The following RAD51B variants were observed in gnomAD, a reference collection of about 807,000 sequenced individuals.
The protein encoded by RAD51B is DNA repair protein RAD51 homolog 2.
A neutral mutation model predicts 42.2 loss-of-function variants in RAD51B; 38 were observed. The ratio of observed to expected loss-of-function variants is 0.90; its 90% CI spans 0.70 to 1.18. The LOEUF is 1.18. RAD51B is among the 50% of genes most tolerant of loss of function. The pLI, the probability that RAD51B is intolerant of heterozygous loss-of-function variation, is 0.00. For missense variants in RAD51B, 373 were observed against 400.7 expected, an observed-to-expected ratio of 0.93 and a Z score of 0.59; for synonymous variants, 154 against 145.2, an observed-to-expected ratio of 1.06 and a Z score of -0.43.
intron 7 of RAD51B, among the ~76,000 whole-genome samples, chr14:68,205,860 A>G (rs930381139): frequency 1.3e-5 from 2 of 152,126 alleles, no homozygotes; most frequent in Admixed American, 6.6e-5. Flanking sequence ...AAGAAAGGGG[A>G]TATTCTGTTA....
intron 11 of RAD51B, among the ~76,000 whole-genome samples, chr14:68,682,102 CT>C (rs1047697756): frequency 6.6e-6 from 1 of 151,492 alleles, no homozygotes; most frequent in African/African-American, 2.4e-5. Flanking sequence ...TGTCATCTCA[CT>C]TTTTTTTTGT....
chr14:68,062,067 A>G (rs2076575847), intron 7 of RAD51B, among the ~76,000 whole-genome samples: 1 of 152,164 alleles, frequency 6.6e-6, no homozygotes, highest in African/African-American at 2.4e-5. Flanking sequence ...GCTTAGGTAC[A>G]TTCCTTCTAT....
chr14:68,254,575 A>G (rs779255431), intron 7 of RAD51B, among the ~76,000 whole-genome samples: 16 of 152,188 alleles, frequency 1.1e-4, no homozygotes, highest in Non-Finnish European at 2.1e-4. Flanking sequence ...TACTTTGACA[A>G]TATTGTAGTT....
chr14:68,653,485 A>G (rs1383596767), intron 11 of RAD51B, among the ~76,000 whole-genome samples: 1 of 152,144 alleles, frequency 6.6e-6, no homozygotes, highest in Non-Finnish European at 1.5e-5. Context: ...GGGTTTCTCA[A>G]CCTCCGTACA....
chr14:68,057,746 G>A (rs932670651), intron 7 of RAD51B, among the ~76,000 whole-genome samples: 3 of 150,880 alleles, frequency 2.0e-5, no homozygotes, highest in African/African-American at 7.3e-5. Context: ...TGTACTAACA[G>A]TAAAGGAAAT....
At chr14:68,405,992 A>C (rs2084262994) in intron 8 of RAD51B, among the ~76,000 whole-genome samples, 1 of 152,162 alleles carries the variant, frequency 6.6e-6, no homozygotes, top group Non-Finnish European at 1.5e-5. Context: ...AAAAATGTAA[A>C]CCTGTTAATT....
At chr14:68,140,583 A>G (rs562932828) in intron 7 of RAD51B, among the ~76,000 whole-genome samples, 10 of 152,314 alleles carry the variant, frequency 6.6e-5, no homozygotes, top group African/African-American at 1.9e-4. Context: ...CTACTCTCTA[A>G]AAGTGCTGGA....
intron 7 of RAD51B, among the ~76,000 whole-genome samples, chr14:68,083,138 G>A (rs1016182417): frequency 6.6e-6 from 1 of 152,170 alleles, no homozygotes; most frequent in Admixed American, 6.6e-5. Context: ...TAGCGTTCAT[G>A]AAAACGGTAT....
chr14:67,861,458 G>T (rs1009301606), intron 4 of RAD51B, among the ~76,000 whole-genome samples: 3 of 151,302 alleles, frequency 2.0e-5, no homozygotes, highest in African/African-American at 7.3e-5. Flanking sequence ...GGGCAACATG[G>T]TGAAACCCAG....
chr14:68,081,665 A>G (rs967934504), intron 7 of RAD51B, among the ~76,000 whole-genome samples: 1 of 152,220 alleles, frequency 6.6e-6, no homozygotes, highest in Non-Finnish European at 1.5e-5. Context: ...ATCATAGTGA[A>G]ACAGGAAAAG....
intron 7 of RAD51B, among the ~76,000 whole-genome samples, chr14:67,969,553 A>G (rs2074856347): frequency 6.6e-6 from 1 of 152,180 alleles, no homozygotes; most frequent in Non-Finnish European, 1.5e-5. Context: ...GAAAATTTGA[A>G]ATATATAAGA....
intron 9 of RAD51B, among the ~76,000 whole-genome samples, chr14:68,428,705 CTTTATATATATA>C (rs1285130003): frequency 3.5e-4 from 36 of 103,404 alleles, no homozygotes; most frequent in African/African-American, 1.4e-3. Context: ...GCAGGATTTT[CTTTATATATATA>C]TATATATATA....
At chr14:68,321,068 A>G (rs116192184) in intron 8 of RAD51B, among the ~76,000 whole-genome samples, 75 of 152,182 alleles carry the variant, frequency 4.9e-4, no homozygotes, top group Admixed American at 7.2e-4. Flanking sequence ...CCATTGTGCC[A>G]TGTTTCTCCT....
At chr14:68,262,405 C>T (rs1271901493) in intron 7 of RAD51B, among the ~76,000 whole-genome samples, 1 of 152,154 alleles carries the variant, frequency 6.6e-6, no homozygotes. Context: ...ACCCACCCTA[C>T]CACTCCAAGG....
intron 7 of RAD51B, among the ~76,000 whole-genome samples, chr14:68,251,327 C>T (rs753675089): frequency 3.9e-5 from 6 of 152,250 alleles, no homozygotes; most frequent in South Asian, 2.1e-4. Flanking sequence ...CGATGAGCCC[C>T]GGCCCATTAA....
At chr14:68,000,553 AT>A (rs1166494143) in intron 7 of RAD51B, among the ~76,000 whole-genome samples, 2 of 151,970 alleles carry the variant, frequency 1.3e-5, no homozygotes, top group African/African-American at 4.8e-5. Flanking sequence ...TCCTGTTAAG[AT>A]TTTTTTTCTC....
chr14:67,922,357 G>T (rs796262539), intron 7 of RAD51B, among the ~76,000 whole-genome samples: 23 of 152,114 alleles, frequency 1.5e-4, no homozygotes, highest in African/African-American at 5.5e-4. Flanking sequence ...ACTGATTCTG[G>T]AAAAAGTGGA....
chr14:68,621,453 G>A (rs1386818849), intron 10 of RAD51B, among the ~76,000 whole-genome samples: 1 of 152,004 alleles, frequency 6.6e-6, no homozygotes, highest in Non-Finnish European at 1.5e-5. Flanking sequence ...TATGCTTTAG[G>A]CCTACCCAAG....
chr14:67,878,645 A>C (rs527817405), intron 5 of RAD51B, among the ~76,000 whole-genome samples: 94 of 152,302 alleles, frequency 6.2e-4, no homozygotes, highest in African/African-American at 2.2e-3. Flanking sequence ...AAATTTAAAG[A>C]ATATTTAACT....
Sources: gnomAD v4.1 joint callset for allele counts (sites outside exome capture counted in the v4.1 genomes callset) on GRCh38, gnomAD v4.1.1 for gene constraint, MANE v1.5 for transcripts, NCBI Gene and HGNC (gene_info 2026-07-23, HGNC 2026-07-21) for gene names.